The following NTM variants were observed in gnomAD, a reference collection of about 807,000 sequenced individuals.
NTM encodes the protein neurotrimin.
In NTM, 13 loss-of-function variants were observed where a neutral mutation model predicts 42.1. The observed-to-expected ratio is 0.31, with a 90% CI of 0.20 to 0.49. The LOEUF (loss-of-function observed/expected upper bound fraction) is 0.49. NTM is among the 20% of genes least tolerant of loss of function. The pLI is 0.99. For synonymous variants in NTM, 187 were observed against 179.2 expected (o/e 1.04, Z -0.35); for missense variants, 373 against 452.8 (o/e 0.82, Z 1.60).
chr11:131,710,473 C>T (rs1316600240), intron 1 of NTM, among the ~76,000 whole-genome samples: 1 of 152,082 alleles, frequency 6.6e-6, no homozygotes, highest in African/African-American at 2.4e-5. Context: ...TTCTCTGGCT[C>T]TAGTGTTTCT....
chr11:131,797,130 T>C (rs1201950942), intron 1 of NTM, among the ~76,000 whole-genome samples: 2 of 152,262 alleles, frequency 1.3e-5, no homozygotes, highest in Non-Finnish European at 2.9e-5. Context: ...ATGGTTTTCC[T>C]GAGTAATCTT....
chr11:132,229,586 T>C (rs1320206783), intron 4 of NTM, among the ~76,000 whole-genome samples: 1 of 152,212 alleles, frequency 6.6e-6, no homozygotes, highest in African/African-American at 2.4e-5. Context: ...TAACGGTATT[T>C]TACAGAAAAG....
chr11:132,317,840 G>A (rs537207980), intron 7 of NTM: 1 of 399,944 alleles, frequency 2.5e-6, no homozygotes, highest in Non-Finnish European at 4.9e-6. Context: ...TTGGGAGCCA[G>A]GGAGACTTCA....
At chr11:132,160,090 A>G (rs2137587977) in intron 3 of NTM, among the ~76,000 whole-genome samples, 1 of 152,256 alleles carries the variant, frequency 6.6e-6, no homozygotes, top group South Asian at 2.1e-4. Flanking sequence ...TGTTTTTCTA[A>G]AGAGTTACCT....
chr11:131,789,635 AAAAGAAG>A lies in NTM; in HGVS notation c.83-121926_83-121920del, dbSNP rs1183421281. On this transcript the variant is annotated intron_variant, in intron 1 of 8. Coordinates refer to ENST00000683400, the MANE Select transcript of NTM (RefSeq NM_001352005.2). ...GAAGAAGAAGAAGAAGAAGAAGAAGAAAAGAAGAAGAAGAAGAAGAAGAAGAAGAAGA... is the reference window on the plus strand; with the variant it reads ...GAAGAAGAAGAAGAAGAAGAAGAAGAAAGAAGAAGAAGAAGAAGAAGAAGA... Among the ~76,000 whole-genome samples the A allele has an allele frequency of 3.7e-4, 14 of 37,936 alleles. 1 individual carries two copies. The highest frequency in any genetic ancestry group is 1.1e-3 in the African/African-American group (12 of 10,664). The allele number at this position is 37,936 out of a possible 152,430, so 24.9% of individuals were successfully genotyped here. A position where few individuals can be genotyped will look rare whatever the true frequency, so the allele number is the denominator to read the frequency against.
At chr11:131,597,935 A>G (rs2059957364) in intron 1 of NTM, among the ~76,000 whole-genome samples, 1 of 152,204 alleles carries the variant, frequency 6.6e-6, no homozygotes, top group African/African-American at 2.4e-5. Context: ...GAAAATCCCA[A>G]AGAGAGACCA....
At chr11:132,245,725 C>T (rs1362956662) in intron 4 of NTM, among the ~76,000 whole-genome samples, 1 of 152,068 alleles carries the variant, frequency 6.6e-6, no homozygotes, top group Non-Finnish European at 1.5e-5. Flanking sequence ...CCTCCCAGCA[C>T]TGACTTAGTA....
chr11:132,182,711 A>C (rs2077756521), intron 3 of NTM, among the ~76,000 whole-genome samples: 2 of 152,220 alleles, frequency 1.3e-5, no homozygotes, highest in African/African-American at 4.8e-5. Flanking sequence ...CTTTCCAAGC[A>C]AATCTGCTTC....
intron 1 of NTM, among the ~76,000 whole-genome samples, chr11:131,867,234 A>AGAT (rs2047309393): frequency 6.6e-6 from 1 of 152,204 alleles, no homozygotes; most frequent in Non-Finnish European, 1.5e-5. Context: ...CCTGCCAGAG[A>AGAT]GCAGGTCTCA....
chr11:131,526,993 G>A (rs1310907557), intron 1 of NTM, among the ~76,000 whole-genome samples: 1 of 152,198 alleles, frequency 6.6e-6, no homozygotes, highest in Non-Finnish European at 1.5e-5. Flanking sequence ...CCATGTTGCA[G>A]CCAGGAGCAG....
At position 132,251,537 on chromosome 11, in the gene NTM, G is replaced by A. The variant is rs1193499755; in HGVS notation, c.526+39390G>A. 3.9e-5 allele frequency among the ~76,000 whole-genome samples: 6 copies of A among 152,162 alleles called. No individual in the cohort carries two copies. In the South Asian group the frequency reaches 8.3e-4, roughly 21 times the overall value. On this transcript the variant is annotated intron_variant, in intron 4 of 8. Coordinates refer to ENST00000683400, the MANE Select transcript of NTM (RefSeq NM_001352005.2). ...TCCACAGCTTGAAACTTCCTTATGC[G>A]ATGATGAGCCTACCTATGAGGAAAG...
chr11:131,782,508 C>T (rs2088353139), intron 1 of NTM, among the ~76,000 whole-genome samples: 1 of 151,822 alleles, frequency 6.6e-6, no homozygotes, highest in Admixed American at 6.6e-5. Flanking sequence ...TTTTATGAGG[C>T]CATTATTACA....
intron 4 of NTM, among the ~76,000 whole-genome samples, chr11:132,287,971 G>A (rs1004742885): frequency 2.6e-5 from 4 of 152,202 alleles, no homozygotes; most frequent in Non-Finnish European, 5.9e-5. Context: ...TGTGGTTCAA[G>A]GGTATGATAT....
chr11:132,320,272 A>G (rs533913219), intron 7 of NTM, among the ~76,000 whole-genome samples: 126 of 152,338 alleles, frequency 8.3e-4, no homozygotes, highest in Admixed American at 1.8e-3. Flanking sequence ...TACTGGGTTC[A>G]TCTCATTAAG....
At chr11:131,699,662 T>A (rs897212638) in intron 1 of NTM, among the ~76,000 whole-genome samples, 5 of 151,960 alleles carry the variant, frequency 3.3e-5, no homozygotes, top group African/African-American at 1.2e-4. Flanking sequence ...CTTACAATCA[T>A]GGAGGAAGGG....
chr11:131,839,509 G>A (rs919038803), intron 1 of NTM, among the ~76,000 whole-genome samples: 3 of 152,208 alleles, frequency 2.0e-5, no homozygotes, highest in Non-Finnish European at 4.4e-5. Flanking sequence ...CCTGCTCAGT[G>A]TGCAGCAAGG....
At chr11:131,742,969 C>T (rs1327146145) in intron 1 of NTM, among the ~76,000 whole-genome samples, 3 of 152,176 alleles carry the variant, frequency 2.0e-5, no homozygotes, top group Non-Finnish European at 4.4e-5. Context: ...ATAGATTCAA[C>T]TTCACTTTTA....
intron 2 of NTM, among the ~76,000 whole-genome samples, chr11:131,990,881 C>T (rs777076288): frequency 2.6e-4 from 40 of 152,208 alleles, no homozygotes; most frequent in Non-Finnish European, 5.0e-4. Context: ...AATAGTATCT[C>T]ATTTTGACTC....
chr11:132,200,721 C>CGA (rs2081028004), intron 3 of NTM, among the ~76,000 whole-genome samples: 1 of 151,978 alleles, frequency 6.6e-6, no homozygotes, highest in Admixed American at 6.6e-5. Context: ...AGCTGAGAGC[C>CGA]GAGAGCGGCG....
Sources: allele counts gnomAD v4.1 joint callset (sites outside exome capture counted in the v4.1 genomes callset), GRCh38; gene constraint gnomAD v4.1.1; transcripts MANE v1.5; gene names NCBI Gene and HGNC (gene_info 2026-07-23, HGNC 2026-07-21).